NFIL3: variants seen among roughly 807,000 people sequenced by gnomAD.
NFIL3 encodes nuclear factor interleukin-3-regulated protein.
NFIL3 carries 5 observed loss-of-function variants against 10.0 expected under a neutral mutation model. The ratio of observed to expected loss-of-function variants is 0.50; its 90% CI spans 0.26 to 1.06. NFIL3 has a LOEUF of 1.06. NFIL3 is among the 50% of genes least tolerant of loss of function. The pLI, the probability that NFIL3 is intolerant of heterozygous loss-of-function variation, is 0.13. For missense variants in NFIL3, 436 were observed against 547.6 expected (o/e 0.80, Z 2.03); for synonymous variants, 202 against 206.5 (o/e 0.98, Z 0.19).
the NFIL3 span, among the ~76,000 whole-genome samples, chr9:91,457,613 T>C: frequency 6.6e-6 from 1 of 152,060 alleles, no homozygotes. Context: ...TCTTCATAGA[T>C]AGCTTTCTGT....
Position 91,409,626 on chromosome 9 carries a change from G to A in NFIL3, c.1109C>T (p.Ala370Val), listed in dbSNP as rs1833500819. The A allele has an allele frequency of 6.2e-7, 1 of 1,614,206 alleles. No homozygotes were observed. Among genetic ancestry groups the A allele is most frequent in the Non-Finnish European group, 8.5e-7 (1 of 1,180,044 alleles). The change falls in exon 2 of 2, where the codon GCC (alanine) becomes GTC (valine). Residue 370 changes from alanine (A) to valine (V), a missense_variant. Coordinates refer to ENST00000297689, the MANE Select transcript of NFIL3 (RefSeq NM_005384.3). ...AAGAGAAGAATGTACCATACTTGGG[G>A]CACTATGCTTTTCGAGTTCGAAATG... Reference protein sequence around the residue: ...KRHFELEKHSAPSMVHSSLTP... With the variant: ...KRHFELEKHSVPSMVHSSLTP...
At chr9:91,450,304 T>C in the NFIL3 span, among the ~76,000 whole-genome samples, 3 of 152,174 alleles carry the variant, frequency 2.0e-5, no homozygotes, top group South Asian at 6.2e-4. Flanking sequence ...AGGCTACTGA[T>C]GTGAGATCTT....
At chr9:91,464,914 G>C in the NFIL3 span, among the ~76,000 whole-genome samples, 1 of 151,948 alleles carries the variant, frequency 6.6e-6, no homozygotes, top group Non-Finnish European at 1.5e-5. Flanking sequence ...TGCTCTCTTA[G>C]CGTTAAGCTG....
chr9:91,455,803 G>A, the NFIL3 span, among the ~76,000 whole-genome samples: 5 of 152,126 alleles, frequency 3.3e-5, no homozygotes, highest in Admixed American at 6.6e-5. Context: ...CGCTATGCAC[G>A]TGGGAGTTAT....
At chr9:91,473,822 T>C in the NFIL3 span, among the ~76,000 whole-genome samples, 23 of 152,376 alleles carry the variant, frequency 1.5e-4, no homozygotes, top group African/African-American at 5.5e-4. Flanking sequence ...ACCAGAGCTG[T>C]TCCTATTTGG....
chr9:91,445,523 A>G, the NFIL3 span, among the ~76,000 whole-genome samples: 2 of 152,300 alleles, frequency 1.3e-5, no homozygotes, highest in East Asian at 3.9e-4. Flanking sequence ...GGTGGGGTAG[A>G]ACAGCTCAGC....
At chr9:91,433,455 G>A in the NFIL3 span, among the ~76,000 whole-genome samples, 1 of 152,188 alleles carries the variant, frequency 6.6e-6, no homozygotes, top group Non-Finnish European at 1.5e-5. Context: ...TTTACTCTGG[G>A]ATTTGCAAGT....
chr9:91,419,636 A>G (rs1833720504), intron 1 of NFIL3, among the ~76,000 whole-genome samples: 1 of 152,202 alleles, frequency 6.6e-6, no homozygotes, highest in African/African-American at 2.4e-5. Context: ...CTGAGTTTCC[A>G]TTTCCTCATC....
the NFIL3 span, among the ~76,000 whole-genome samples, chr9:91,458,026 T>C: frequency 6.6e-6 from 1 of 152,090 alleles, no homozygotes; most frequent in South Asian, 2.1e-4. Flanking sequence ...CTTTGCCATG[T>C]TATATTGTTC....
chr9:91,432,064 T>A, the NFIL3 span, among the ~76,000 whole-genome samples: 1 of 152,120 alleles, frequency 6.6e-6, no homozygotes, highest in Admixed American at 6.5e-5. Flanking sequence ...TCCCATCACT[T>A]AGGAACTCAC....
At chr9:91,414,412 G>A (rs1833613772) in intron 1 of NFIL3, among the ~76,000 whole-genome samples, 2 of 152,226 alleles carry the variant, frequency 1.3e-5, no homozygotes, top group South Asian at 4.1e-4. Context: ...CATGTTAGTA[G>A]AGATGGGGTT....
intron 1 of NFIL3, among the ~76,000 whole-genome samples, chr9:91,418,423 A>C (rs1429577193): frequency 6.6e-6 from 1 of 152,254 alleles, no homozygotes; most frequent in Non-Finnish European, 1.5e-5. Context: ...ACATGGTGTA[A>C]TGATGGCAAA....
the NFIL3 span, among the ~76,000 whole-genome samples, chr9:91,474,762 C>A: frequency 8.5e-5 from 13 of 152,314 alleles, 1 homozygote; most frequent in African/African-American, 2.9e-4. Flanking sequence ...GCCAAAAGGT[C>A]TCTTTCCTGA....
At chr9:91,460,420 G>T in the NFIL3 span, among the ~76,000 whole-genome samples, 1 of 151,698 alleles carries the variant, frequency 6.6e-6, no homozygotes, top group East Asian at 1.9e-4. Context: ...GACTATAGGT[G>T]TGCACCATCA....
chr9:91,409,962 G>C lies in NFIL3; in HGVS notation c.773C>G (p.Ser258Cys), dbSNP rs1308693858. Reference protein sequence around the residue: ...MGNSFSGYSHSPPLLQVNRSS... With the variant: ...MGNSFSGYSHCPPLLQVNRSS... ...TCGGTTGACTTGCAGTAGTGGGGGA[G>C]AGTGTGAGTACCCAGAGAAAGAATT... Residue 258 changes from serine to cysteine, a missense_variant, in exon 2 of 2, where the codon TCT (serine) becomes TGT (cysteine). Ser to Cys is a moderately radical substitution (Grantham distance 112). Transcript: ENST00000297689. 2 of 1,613,622 alleles carry C rather than the reference G, an allele frequency of 1.2e-6. No individual in the cohort carries two copies. Among genetic ancestry groups the C allele is most frequent in the African/African-American group, 1.3e-5 (1 of 74,926 alleles).
the NFIL3 span, among the ~76,000 whole-genome samples, chr9:91,457,611 G>C: frequency 6.6e-6 from 1 of 151,922 alleles, no homozygotes; most frequent in Non-Finnish European, 1.5e-5. Flanking sequence ...TTTCTTCATA[G>C]ATAGCTTTCT....
chr9:91,457,231 C>A, the NFIL3 span, among the ~76,000 whole-genome samples: 2 of 149,584 alleles, frequency 1.3e-5, no homozygotes, highest in African/African-American at 5.0e-5. Context: ...TTTTAAGGAT[C>A]AGTTTGTCAG....
chr9:91,464,655 C>A, the NFIL3 span, among the ~76,000 whole-genome samples: 2 of 152,108 alleles, frequency 1.3e-5, no homozygotes, highest in Non-Finnish European at 2.9e-5. Flanking sequence ...TATGTTATTT[C>A]CTTCTGCCTG....
chr9:91,442,826 G>A, the NFIL3 span, among the ~76,000 whole-genome samples: 1 of 152,102 alleles, frequency 6.6e-6, no homozygotes, highest in Non-Finnish European at 1.5e-5. Context: ...CCCTAGGTCT[G>A]AGCTCCCCGA....
Sources: allele counts gnomAD v4.1 joint callset (sites outside exome capture counted in the v4.1 genomes callset), GRCh38; gene constraint gnomAD v4.1.1; transcripts MANE v1.5; gene names NCBI Gene and HGNC (gene_info 2026-07-23, HGNC 2026-07-21).